Variants in FSTL1 observed in about 807,000 individuals in gnomAD.
The protein encoded by FSTL1 is follistatin like 1.
A neutral mutation model predicts 45.9 loss-of-function variants in FSTL1; 24 were observed. The ratio of observed to expected loss-of-function variants is 0.52; its 90% CI spans 0.38 to 0.74. FSTL1 has a LOEUF of 0.74. Among genes scored for constraint, FSTL1 ranks in the 30% least tolerant of loss-of-function variants. FSTL1 has a pLI of 0.00. For synonymous variants in FSTL1, 120 were observed against 137.6 expected, an observed-to-expected ratio of 0.87 and a Z score of 0.89; for missense variants, 340 against 381.8, an observed-to-expected ratio of 0.89 and a Z score of 0.91.
At chr3:120,420,082 A>T (rs1937252948) in intron 2 of FSTL1, among the ~76,000 whole-genome samples, 1 of 152,198 alleles carries the variant, frequency 6.6e-6, no homozygotes, top group South Asian at 2.1e-4. Flanking sequence ...TTGGGGTACA[A>T]TCAAGGCAGT....
rs374980484 is a variant in FSTL1, at chr3:120,394,512, G to A, written c.*2440C>T. 2.0e-5 allele frequency: 3 copies of A among 152,350 alleles called. No homozygotes were observed. The highest frequency in any genetic ancestry group is 4.1e-4 in the South Asian group (2 of 4,824). The allele number at this position is 152,350 out of a possible 1,614,324, so 9.4% of individuals were successfully genotyped here. On this transcript the variant is annotated 3_prime_UTR_variant, in exon 11 of 11. Transcript: ENST00000295633. ...GCTTGTTAGCAGGCAGAGGAACCCT[G>A]CTTTCCAAAAACTGATATAGTCCAG... is the stretch of plus-strand genomic sequence containing the variant.
At chr3:120,399,122 GAGAAGGCT>G (rs1009445502) in intron 10 of FSTL1, among the ~76,000 whole-genome samples, 1 of 152,178 alleles carries the variant, frequency 6.6e-6, no homozygotes, top group African/African-American at 2.4e-5. Flanking sequence ...CTATGTCAGA[GAGAAGGCT>G]AATACTACTA....
intron 4 of FSTL1, 103 bp downstream of exon 4, chr3:120,411,751 T>C (rs929048850): frequency 2.2e-5 from 22 of 1,014,050 alleles, no homozygotes; most frequent in Admixed American, 1.8e-4. Context: ...TTTGAGAGGC[T>C]GTGGTCGTGG....
intron 2 of FSTL1, chr3:120,423,789 A>T (rs560930870): frequency 6.6e-6 from 1 of 152,326 alleles, no homozygotes; most frequent in East Asian, 1.9e-4. Context: ...TTCCCAAGAT[A>T]TCTTGTCACT....
At chr3:120,397,237 AC>A (rs1300677320) in intron 10 of FSTL1, among the ~76,000 whole-genome samples, 1 of 152,190 alleles carries the variant, frequency 6.6e-6, no homozygotes, top group Non-Finnish European at 1.5e-5. Flanking sequence ...CTCCTATGAA[AC>A]AAGCAGATCA....
intron 3 of FSTL1, among the ~76,000 whole-genome samples, chr3:120,412,200 C>T (rs1417272972): frequency 6.6e-6 from 1 of 152,184 alleles, no homozygotes; most frequent in Non-Finnish European, 1.5e-5. Flanking sequence ...CTATCCTGGT[C>T]CAGGGTCATC....
In FSTL1 at chr3:120,405,911, C is replaced by T. The variant is rs73855228; in HGVS notation, c.463-940G>A. ...ACATTTTCCCCCTTCCTCCCAAATC[C>T]TTTCCCTAGGCTCCCTCATGCTGCT... is the stretch of plus-strand genomic sequence containing the variant. On this transcript the variant is annotated intron_variant, in intron 6 of 10. Transcript: ENST00000295633. 3.3e-3 allele frequency among the ~76,000 whole-genome samples: 501 copies of T among 152,300 alleles called. 1 individual carries two copies. The highest frequency in any genetic ancestry group is 0.011 in the African/African-American group (472 of 41,562).
At chr3:120,401,427 C>T (rs191936702) in intron 9 of FSTL1, among the ~76,000 whole-genome samples, 1 of 152,192 alleles carries the variant, frequency 6.6e-6, no homozygotes, top group Admixed American at 6.5e-5. Context: ...AGTACTGGGC[C>T]ATTTATACTG....
chr3:120,399,785 G>C, intron 10 of FSTL1, 98 bp downstream of exon 10: 1 of 749,472 alleles, frequency 1.3e-6, no homozygotes, highest in African/African-American at 1.7e-5. Context: ...TGAGCAGAGA[G>C]AGCCTCCTTG....
chr3:120,430,940 T>C (rs918128627), intron 2 of FSTL1, among the ~76,000 whole-genome samples: 4 of 152,230 alleles, frequency 2.6e-5, no homozygotes, highest in African/African-American at 7.2e-5. Context: ...AGAAATAGAA[T>C]ACCCATCTCA....
intron 6 of FSTL1, among the ~76,000 whole-genome samples, chr3:120,408,266 G>A (rs75690795): frequency 0.05 from 7,556 of 152,306 alleles, 406 homozygotes; most frequent in Admixed American, 0.17. Flanking sequence ...TAAGGGCTCT[G>A]TAATGTGGGA....
chr3:120,427,007 A>G (rs1937394636), intron 2 of FSTL1, among the ~76,000 whole-genome samples: 1 of 152,186 alleles, frequency 6.6e-6, no homozygotes, highest in Non-Finnish European at 1.5e-5. Flanking sequence ...CCAAGGCTCT[A>G]TGTTTTGAAA....
At chr3:120,418,330 A>G (rs1289669233) in intron 2 of FSTL1, among the ~76,000 whole-genome samples, 1 of 152,250 alleles carries the variant, frequency 6.6e-6, no homozygotes, top group African/African-American at 2.4e-5. Context: ...TTCCAAAGCT[A>G]GAAATGAGAG....
At chr3:120,433,627 AC>A (rs1055736535) in intron 2 of FSTL1, among the ~76,000 whole-genome samples, 5 of 152,226 alleles carry the variant, frequency 3.3e-5, no homozygotes, top group Non-Finnish European at 7.3e-5. Context: ...AGGTGAATAA[AC>A]AAACAAAAAT....
intron 9 of FSTL1, among the ~76,000 whole-genome samples, chr3:120,402,416 TTTGA>T (rs1331215021): frequency 1.3e-5 from 2 of 151,936 alleles, no homozygotes; most frequent in African/African-American, 4.8e-5. Context: ...CATTATTATT[TTTGA>T]TTATTATTAA....
intron 10 of FSTL1, among the ~76,000 whole-genome samples, chr3:120,397,202 C>T (rs1003393005): frequency 6.6e-6 from 1 of 152,114 alleles, no homozygotes; most frequent in African/African-American, 2.4e-5. Context: ...GGGCTGTTTA[C>T]TGAATTAAGC....
At chr3:120,449,605 C>T (rs1165663131) in intron 2 of FSTL1, among the ~76,000 whole-genome samples, 1 of 152,158 alleles carries the variant, frequency 6.6e-6, no homozygotes, top group Admixed American at 6.5e-5. Context: ...CCTCAATCAA[C>T]AACGTAGTAG....
intron 5 of FSTL1, 194 bp from the exon 6 acceptor site, chr3:120,409,856 A>T: frequency 2.4e-6 from 1 of 414,050 alleles, no homozygotes; most frequent in Non-Finnish European, 4.3e-6. Context: ...CCATCTCTAA[A>T]ATATTTGTAA....
Position 120,409,561 on chromosome 3 carries a change from A to G in FSTL1, c.433T>C (p.Tyr145His). The G allele has an allele frequency of 6.2e-7, 1 of 1,613,922 alleles. No homozygotes were observed. Among genetic ancestry groups the G allele is most frequent in the Non-Finnish European group, 8.5e-7 (1 of 1,179,764 alleles). The change falls in exon 6 of 11, where the codon TAC becomes CAC. Residue 145 changes from tyrosine (Y) to histidine (H), a missense_variant. By Grantham distance (83) the Tyr-to-His change is moderately conservative (BLOSUM62 2). Transcript: ENST00000295633. ...AAATACTTGTCTAGGATTTCACTGTAGTTGCTGCCTTTAGAGAACCAGCCA... is the reference window on the plus strand; with the variant it reads ...AAATACTTGTCTAGGATTTCACTGTGGTTGCTGCCTTTAGAGAACCAGCCA... ...PDGWFSKGSNYSEILDKYFKN... is the reference protein window; with the variant it reads ...PDGWFSKGSNHSEILDKYFKN...
Sources: gnomAD v4.1 joint callset for allele counts (sites outside exome capture counted in the v4.1 genomes callset) on GRCh38, gnomAD v4.1.1 for gene constraint, MANE v1.5 for transcripts, NCBI Gene and HGNC (gene_info 2026-07-23, HGNC 2026-07-21) for gene names.